The following EMILIN2 variants were observed in gnomAD, a reference collection of about 807,000 sequenced individuals.
The protein encoded by EMILIN2 is elastin microfibril interfacer 2, also known as EMILIN-2.
A neutral mutation model predicts 87.1 loss-of-function variants in EMILIN2; 71 were observed. That is an observed-to-expected ratio of 0.82 (90% CI 0.67 to 0.99). The LOEUF (loss-of-function observed/expected upper bound fraction) is 0.99. EMILIN2 is among the 50% of genes least tolerant of loss of function. The pLI is 0.00. For synonymous variants in EMILIN2, 581 were observed against 563.4 expected (o/e 1.03, Z -0.44); for missense variants, 1,407 against 1,371.8 (o/e 1.03, Z -0.40).
intron 2 of EMILIN2, among the ~76,000 whole-genome samples, chr18:2,866,067 A>G (rs1301231593): frequency 1.3e-5 from 2 of 152,182 alleles, no homozygotes; most frequent in African/African-American, 4.8e-5. Context: ...AAAGTGCAGT[A>G]TTAGGGTGGG....
Position 2,847,210 on chromosome 18 carries a change from T to C in EMILIN2, c.22T>C (p.Trp8Arg). The change falls in exon 1 of 8, where the codon TGG becomes CGG. Residue 8 changes from tryptophan (W) to arginine (R), a missense_variant. Physicochemically the swap from Trp to Arg is moderately radical, Grantham distance 101. Transcript: ENST00000254528. This position sits in a 1 kb window ranked among gnomAD's most constrained non-coding sequence, Gnocchi z 4.5. MWQPRRP[W>R]PRVPWRWALA... ...CGGGATGTGGCAGCCCAGACGGCCC[T>C]GGCCCCGCGTGCCCTGGCGCTGGGC... is the stretch of plus-strand genomic sequence containing the variant. 8.1e-7 allele frequency: 1 copy of C among 1,233,914 alleles called. No homozygotes were observed. Among genetic ancestry groups the C allele is most frequent in the Non-Finnish European group, 1.0e-6 (1 of 988,314 alleles). 76.4% of individuals were successfully genotyped at this position (1,233,914 alleles called of 1,614,324 possible).
intron 4 of EMILIN2, among the ~76,000 whole-genome samples, chr18:2,900,641 T>C (rs4798043): frequency 0.73 from 110,699 of 152,062 alleles, 40,718 homozygotes; most frequent in East Asian, 0.86. Flanking sequence ...CAACTGTTTC[T>C]TCGAAAAAGC....
chr18:2,903,081 G>A (rs930224653), intron 4 of EMILIN2, among the ~76,000 whole-genome samples: 13 of 152,078 alleles, frequency 8.5e-5, no homozygotes, highest in South Asian at 8.3e-4. Flanking sequence ...AGAGACATAC[G>A]CTTGGGCTAA....
At chr18:2,899,356 C>T (rs1313688336) in intron 4 of EMILIN2, among the ~76,000 whole-genome samples, 2 of 152,142 alleles carry the variant, frequency 1.3e-5, no homozygotes, top group South Asian at 4.1e-4. Flanking sequence ...TTTGTGTGAG[C>T]CCACTTACGG....
In EMILIN2 at chr18:2,853,895, G is replaced by A. The variant is rs550456340; in HGVS notation, c.257+5964G>A. ...ACCCATTGGTAGTGTTTGGACGTAC[G>A]GCTGGTAGAAAACAGCACCGTGTTT... On this transcript the variant is annotated intron_variant, in intron 2 of 7. Coordinates refer to ENST00000254528, the MANE Select transcript of EMILIN2 (RefSeq NM_032048.3). 1.6e-4 allele frequency among the ~76,000 whole-genome samples: 25 copies of A among 152,324 alleles called. No individual in the cohort carries two copies. The South Asian group carries it at 5.0e-3, about 30-fold the overall frequency.
intron 7 of EMILIN2, among the ~76,000 whole-genome samples, chr18:2,911,378 C>A (rs1040343948): frequency 6.6e-6 from 1 of 152,204 alleles, no homozygotes; most frequent in Non-Finnish European, 1.5e-5. Flanking sequence ...GGAGGTCACA[C>A]ACCAGTTAAA....
At chr18:2,846,975 C>T (rs879615274), upstream of EMILIN2, 243 of 1,002,508 alleles carry the variant, frequency 2.4e-4, no homozygotes, top group Non-Finnish European at 2.8e-4. This position sits in a 1 kb window ranked among gnomAD's most constrained non-coding sequence, Gnocchi z 5.3. Flanking sequence ...CATTGAGGGA[C>T]CGGGGAGAAG....
chr18:2,879,059 C>T (rs2076763925), intron 2 of EMILIN2, among the ~76,000 whole-genome samples: 1 of 152,098 alleles, frequency 6.6e-6, no homozygotes, highest in South Asian at 2.1e-4. Flanking sequence ...GGGATGATTC[C>T]CTCTGGGACA....
At chr18:2,895,411 A>G (rs1055624514) in intron 4 of EMILIN2, among the ~76,000 whole-genome samples, 2 of 152,176 alleles carry the variant, frequency 1.3e-5, no homozygotes, top group South Asian at 2.1e-4. Flanking sequence ...TGGATTAGCT[A>G]TTTATTGCTT....
chr18:2,884,469 C>T (rs1372636644), intron 2 of EMILIN2, among the ~76,000 whole-genome samples: 3 of 152,208 alleles, frequency 2.0e-5, no homozygotes, highest in African/African-American at 7.2e-5. Context: ...TAGTCTCGAA[C>T]TCCTGGCCTC....
chr18:2,893,419 A>C (rs1568477954), intron 4 of EMILIN2, among the ~76,000 whole-genome samples: 2 of 152,338 alleles, frequency 1.3e-5, no homozygotes, highest in East Asian at 3.9e-4. Flanking sequence ...GACAGGAAGT[A>C]TCTAAAGCTC....
At chr18:2,908,068 CTTTT>C (rs969680773) in intron 5 of EMILIN2, among the ~76,000 whole-genome samples, 1 of 152,220 alleles carries the variant, frequency 6.6e-6, no homozygotes, top group African/African-American at 2.4e-5. Context: ...CACCAGCTTT[CTTTT>C]TTCTATTCCT....
chr18:2,876,062 A>G (rs1013201608), intron 2 of EMILIN2, among the ~76,000 whole-genome samples: 1 of 149,040 alleles, frequency 6.7e-6, no homozygotes, highest in African/African-American at 2.5e-5. Flanking sequence ...GCTCACTGCA[A>G]CCTCTGCCTC....
At position 2,847,337 on chromosome 18, in the gene EMILIN2, C is replaced by T; in HGVS notation, c.134+15C>T. On this transcript the variant is annotated intron_variant, in intron 1 of 7. Transcript: ENST00000254528. This position sits in a 1 kb window ranked among gnomAD's most constrained non-coding sequence, Gnocchi z 4.5. ...GCCAGGAACAAGTAAGTGCGCGCCC[C>T]TTGGCTGGCCCCAAACCGCCTACCC... 1 of 1,308,196 alleles carries T rather than the reference C, an allele frequency of 7.6e-7. No homozygotes were observed. 81.0% of individuals were successfully genotyped at this position (1,308,196 alleles called of 1,614,324 possible).
At chr18:2,884,116 C>T (rs1396133140) in intron 2 of EMILIN2, among the ~76,000 whole-genome samples, 6 of 152,046 alleles carry the variant, frequency 3.9e-5, no homozygotes, top group East Asian at 1.9e-4. Context: ...CCATCACGCC[C>T]GGCTAATGTT....
chr18:2,909,676 C>G lies in EMILIN2; in HGVS notation c.2696-15C>G, dbSNP rs1331329259. The G allele has an allele frequency of 3.1e-6, 5 of 1,613,398 alleles. No individual in the cohort carries two copies. The highest frequency in any genetic ancestry group is 1.7e-6 in the Non-Finnish European group (2 of 1,179,672). On this transcript the variant is annotated splice_polypyrimidine_tract_variant and intron_variant, in intron 6 of 7. Coordinates refer to ENST00000254528, the MANE Select transcript of EMILIN2 (RefSeq NM_032048.3). ...AGCACCCGGGTCAATCCATTCCATC[C>G]TTTCTCTGCTCCAGGAGCTCCGGTG...
At chr18:2,851,321 G>A (rs2076600391) in intron 2 of EMILIN2, among the ~76,000 whole-genome samples, 3 of 152,070 alleles carry the variant, frequency 2.0e-5, no homozygotes, top group Admixed American at 2.0e-4. Context: ...TGTAGTCCCA[G>A]CTACTCGGGA....
At chr18:2,898,616 C>G (rs1598502756) in intron 4 of EMILIN2, among the ~76,000 whole-genome samples, 1 of 152,242 alleles carries the variant, frequency 6.6e-6, no homozygotes, top group Non-Finnish European at 1.5e-5. Context: ...CCACCCCTTT[C>G]TGCTCATGTC....
At position 2,891,235 on chromosome 18, in the gene EMILIN2, G is replaced by A; in HGVS notation, c.1108G>A (p.Gly370Arg). 2.5e-6 allele frequency: 4 copies of A among 1,614,182 alleles called. No homozygotes were observed. The highest frequency in any genetic ancestry group is 2.5e-6 in the Non-Finnish European group (3 of 1,180,046). ...SSYLGVIELI[G>R]EKETSLRKEI... is the part of the protein sequence containing the mutation. The stretch of plus-strand genomic sequence containing the variant: ...CTACCTGGGAGTGATAGAGCTCATA[G>A]GGGAGAAGGAAACAAGCCTGAGAAA... Residue 370 changes from glycine (G) to arginine (R), a missense_variant, in exon 4 of 8, where the codon GGG (glycine) becomes AGG (arginine). By Grantham distance (125) the Gly-to-Arg change is moderately radical. Transcript: ENST00000254528. The surrounding 1 kb of genome is among the most constrained non-coding windows in gnomAD (Gnocchi z 4.6).
Sources: allele counts gnomAD v4.1 joint callset (sites outside exome capture counted in the v4.1 genomes callset), GRCh38; gene constraint gnomAD v4.1.1; non-coding constraint Gnocchi (gnomAD v3.1); transcripts MANE v1.5; gene names NCBI Gene and HGNC (gene_info 2026-07-23, HGNC 2026-07-21).